PCDH7: variants seen among roughly 807,000 people sequenced by gnomAD.
The protein encoded by PCDH7 is protocadherin-7.
In PCDH7, 17 loss-of-function variants were observed where a neutral mutation model predicts 58.9. That is an observed-to-expected ratio of 0.29 (90% confidence interval 0.20 to 0.43). The LOEUF (loss-of-function observed/expected upper bound fraction) is 0.43, where lower values mean the gene tolerates loss of function less well. PCDH7 is among the 20% of genes least tolerant of loss of function. PCDH7 has a pLI of 1.00. For synonymous variants in PCDH7, 664 were observed against 616.4 expected (o/e 1.08, Z -1.14); for missense variants, 1,274 against 1,441.0 (o/e 0.88, Z 1.88).
At chr4:30,999,163 A>T (rs1307809309) in intron 3 of PCDH7, among the ~76,000 whole-genome samples, 3 of 152,086 alleles carry the variant, frequency 2.0e-5, no homozygotes, top group Admixed American at 2.0e-4. Context: ...TAATTGTGTT[A>T]CCTTTGGAAA....
At chr4:31,016,858 G>A (rs1753651164) in intron 3 of PCDH7, among the ~76,000 whole-genome samples, 1 of 149,708 alleles carries the variant, frequency 6.7e-6, no homozygotes, top group African/African-American at 2.5e-5. Context: ...TGCTGGGTGT[G>A]TGTGTGTGCT....
chr4:30,895,363 A>G (rs1192885833), intron 1 of PCDH7, among the ~76,000 whole-genome samples: 1 of 152,180 alleles, frequency 6.6e-6, no homozygotes, highest in African/African-American at 2.4e-5. Flanking sequence ...TTCAGGTAAA[A>G]TAACCAGAAG....
chr4:30,783,841 T>C (rs1464572736), intron 1 of PCDH7, among the ~76,000 whole-genome samples: 1 of 152,196 alleles, frequency 6.6e-6, no homozygotes, highest in African/African-American at 2.4e-5. Flanking sequence ...CTCAGCTTAA[T>C]TTAGCCTCTG....
intron 1 of PCDH7, among the ~76,000 whole-genome samples, chr4:30,747,220 C>A (rs1717896826): frequency 2.6e-5 from 4 of 152,130 alleles, no homozygotes; most frequent in Admixed American, 2.6e-4. Context: ...TTGTACTAGA[C>A]AACCAGGATC....
chr4:30,873,859 A>T (rs904527066), intron 1 of PCDH7, among the ~76,000 whole-genome samples: 1 of 151,826 alleles, frequency 6.6e-6, no homozygotes, highest in Non-Finnish European at 1.5e-5. Context: ...TTATTTGTTT[A>T]TTTATTTATA....
chr4:31,106,036 A>ATATG (rs1331315161), intron 3 of PCDH7, among the ~76,000 whole-genome samples: 1 of 150,886 alleles, frequency 6.6e-6, no homozygotes. Flanking sequence ...ATATATATAT[A>ATATG]TGTATATATA....
intron 1 of PCDH7, among the ~76,000 whole-genome samples, chr4:30,894,341 G>T (rs1332032417): frequency 6.7e-6 from 1 of 150,154 alleles, no homozygotes; most frequent in Non-Finnish European, 1.5e-5. Flanking sequence ...TGTGGCAAAG[G>T]GTACACTAGT....
chr4:30,797,630 A>G (rs906767444), intron 1 of PCDH7, among the ~76,000 whole-genome samples: 1 of 152,078 alleles, frequency 6.6e-6, no homozygotes, highest in South Asian at 2.1e-4. Flanking sequence ...ATGTATGTGT[A>G]TTTCTTTATC....
chr4:30,951,132 A>T (rs1339265889), intron 3 of PCDH7, among the ~76,000 whole-genome samples: 2 of 152,186 alleles, frequency 1.3e-5, no homozygotes, highest in Non-Finnish European at 2.9e-5. Context: ...GATGACTTAG[A>T]AAAATAGTGT....
In PCDH7 at chr4:30,723,047, T is replaced by C; in HGVS notation, c.1625T>C (p.Val542Ala). The change falls in exon 1 of 2, where the codon GTT becomes GCT. Residue 542 changes from valine (V) to alanine (A), a missense_variant. Physicochemically the swap from Val to Ala is moderately conservative, Grantham distance 64. Coordinates refer to ENST00000361762, the Ensembl canonical transcript of PCDH7. This position sits in a 1 kb window ranked among gnomAD's most constrained non-coding sequence, Gnocchi z 4.6. ...ATGTTCGGCCAGTCGGTGGTGGAGG[T>C]TTACTTCCCTGAGAACAACATCCCG... 1 of 1,613,710 alleles carries C rather than the reference T, an allele frequency of 6.2e-7. No individual in the cohort carries two copies. Among genetic ancestry groups the C allele is most frequent in the Non-Finnish European group, 8.5e-7 (1 of 1,180,002 alleles).
chr4:30,725,674 T>C (rs1261975720), intron 1 of PCDH7, among the ~76,000 whole-genome samples: 2 of 152,094 alleles, frequency 1.3e-5, no homozygotes, highest in Non-Finnish European at 2.9e-5. Context: ...TACGTATTTC[T>C]TACTGTCAGA....
chr4:30,767,688 T>G (rs1348257046), intron 1 of PCDH7, among the ~76,000 whole-genome samples: 4 of 152,218 alleles, frequency 2.6e-5, no homozygotes, highest in African/African-American at 9.7e-5. Flanking sequence ...CCAGAGGTAC[T>G]GAGTGGAAAA....
At position 31,017,570 on chromosome 4, in the gene PCDH7, GAC is replaced by G. The variant is rs150646213; in HGVS notation, c.*7+67365_*7+67366del. Among the ~76,000 whole-genome samples the G allele has an allele frequency of 6.2e-3, 950 of 152,048 alleles. 9 individuals are homozygous for G. The highest frequency in any genetic ancestry group is 0.018 in the African/African-American group (736 of 41,474). ...AAGTTTCTGATATGAAGATTCATTT[GAC>G]ACACACACATATATATATGCATATG... On this transcript the variant is annotated intron_variant, in intron 3 of 3. Coordinates refer to the PCDH7 transcript ENST00000509759.
intron 3 of PCDH7, among the ~76,000 whole-genome samples, chr4:30,966,298 A>T (rs1003008115): frequency 4.6e-5 from 7 of 152,304 alleles, no homozygotes; most frequent in Non-Finnish European, 8.8e-5. Context: ...ACATGCTTAA[A>T]TGTCTCAACT....
Position 30,991,656 on chromosome 4 carries a change from T to C in PCDH7, c.*7+41441T>C, listed in dbSNP as rs573132641. Reference sequence around the variant, plus strand: ...AATGTTTTTAATTTAGTATTTGAAATTGACACCAAAGAATAAAACTGGTCA... The same window carrying C: ...AATGTTTTTAATTTAGTATTTGAAACTGACACCAAAGAATAAAACTGGTCA... On this transcript the variant is annotated intron_variant, in intron 3 of 3. Coordinates refer to the PCDH7 transcript ENST00000509759. Among the ~76,000 whole-genome samples the C allele has an allele frequency of 5.9e-5, 9 of 152,318 alleles. No individual in the cohort carries two copies. The East Asian group carries it at 1.7e-3, about 29-fold the overall frequency.
chr4:30,937,995 A>T (rs1233062647), intron 2 of PCDH7, among the ~76,000 whole-genome samples: 1 of 151,784 alleles, frequency 6.6e-6, no homozygotes, highest in Non-Finnish European at 1.5e-5. Flanking sequence ...TAATTATCAT[A>T]TATATTTTAC....
At chr4:30,920,044 A>G (rs548982897) in intron 1 of PCDH7, 109 bp from the exon 2 acceptor site, 10 of 675,606 alleles carry the variant, frequency 1.5e-5, no homozygotes, top group Admixed American at 3.2e-5. Flanking sequence ...TTCATTTTGT[A>G]TTGAATTAGT....
chr4:30,815,304 A>C (rs1727530453), intron 1 of PCDH7, among the ~76,000 whole-genome samples: 1 of 152,070 alleles, frequency 6.6e-6, no homozygotes, highest in Non-Finnish European at 1.5e-5. Flanking sequence ...GGGCAGAAAT[A>C]GATTTAAGGC....
At chr4:30,753,257 G>GTATC (rs1396481249) in intron 1 of PCDH7, among the ~76,000 whole-genome samples, 1 of 152,064 alleles carries the variant, frequency 6.6e-6, no homozygotes, top group East Asian at 1.9e-4. Context: ...TTCCCTTCAA[G>GTATC]TATCTCTAAC....
Sources: gnomAD v4.1 joint callset for allele counts (sites outside exome capture counted in the v4.1 genomes callset) on GRCh38, gnomAD v4.1.1 for gene constraint, Gnocchi (gnomAD v3.1) non-coding constraint, MANE v1.5 for transcripts, NCBI Gene and HGNC (gene_info 2026-07-23, HGNC 2026-07-21) for gene names.